FAT1: variants seen among roughly 807,000 people sequenced by gnomAD.
FAT1 encodes the protein FAT atypical cadherin 1, also known as protocadherin Fat 1.
In FAT1, 171 loss-of-function variants were observed where a neutral mutation model predicts 329.8. That is an observed-to-expected ratio of 0.52 (90% CI 0.46 to 0.59). FAT1 has a LOEUF of 0.59. Among genes scored for constraint, FAT1 ranks in the 20% least tolerant of loss-of-function variants. FAT1 has a pLI of 0.00. For missense variants in FAT1, 5,672 were observed against 5,774.4 expected (o/e 0.98, Z 0.57); for synonymous variants, 2,233 against 2,228.6 (o/e 1.00, Z -0.06).
rs375701023 is a variant in FAT1 at position 186,613,208 on chromosome 4, C to T, written c.9364G>A (p.Ala3122Thr). ...TAAGGATCGGCAGAGAATTCGGGGG[C>T]GTTATCGTTCACATCTTCTAGCGTG... ...VLTLEDVNDN[A>T]PEFSADPYAI... The change falls in exon 13 of 27, where the codon GCC (alanine) becomes ACC (threonine). Residue 3122 changes from alanine to threonine, a missense_variant. By Grantham distance (58) the Ala-to-Thr change is moderately conservative. This residue lies in a region of FAT1 where 3,966 missense variants were observed against 3,915.2 expected (regional missense o/e 1.01). Coordinates refer to ENST00000441802, the MANE Select transcript of FAT1 (RefSeq NM_005245.4). 6.4e-5 allele frequency: 104 copies of T among 1,613,678 alleles called. No homozygotes were observed. Among genetic ancestry groups the T allele is most frequent in the Non-Finnish European group, 7.8e-5 (92 of 1,179,766 alleles).
At chr4:186,661,620 T>A (rs566366595) in intron 3 of FAT1, among the ~76,000 whole-genome samples, 11 of 152,230 alleles carry the variant, frequency 7.2e-5, no homozygotes, top group Non-Finnish European at 1.5e-4. Flanking sequence ...ACTTTGCCCC[T>A]GTGTATCTCT....
chr4:186,616,951 A>G (rs1396374767), intron 11 of FAT1, 54 bp downstream of exon 11: 5 of 1,499,322 alleles, frequency 3.3e-6, no homozygotes, highest in Non-Finnish European at 4.6e-6. Flanking sequence ...TCCCATTGAA[A>G]GAATTAAGAA....
At position 186,708,250 on chromosome 4, in the gene FAT1, G is replaced by A. The variant is rs373450419; in HGVS notation, c.1578C>T (p.Asp526=). 6.2e-7 allele frequency: 1 copy of A among 1,613,882 alleles called. No homozygotes were observed. Among genetic ancestry groups the A allele is most frequent in the African/African-American group, 1.3e-5 (1 of 74,924 alleles). The part of the protein sequence containing the change: ...TGAVSTSENL[D]YELMPRVYTL... ...TATAAACCCGAGGCATCAGTTCGTA[G>A]TCCAGGTTTTCTGACGTACTCACGG... is the stretch of plus-strand genomic sequence containing the variant. Residue 526 remains aspartate, a synonymous_variant, in exon 2 of 27, where the codon GAC becomes GAT. Coordinates refer to ENST00000441802, the MANE Select transcript of FAT1 (RefSeq NM_005245.4).
chr4:186,613,366 CACTT>C (rs1289937977), intron 12 of FAT1, 24 bp from the exon 13 acceptor site: 1 of 1,570,866 alleles, frequency 6.4e-7, no homozygotes, highest in Non-Finnish European at 8.8e-7. Context: ...CAAATGGACT[CACTT>C]GTAATTTAAG....
In FAT1 at chr4:186,618,676, G is replaced by C. The variant is rs2126497826; in HGVS notation, c.7910C>G (p.Ala2637Gly). Residue 2637 changes from alanine (A) to glycine (G), a missense_variant, in exon 10 of 27, where the codon GCA (alanine) becomes GGA (glycine). By Grantham distance (60) the Ala-to-Gly change is moderately conservative. This residue lies in a region of FAT1 where 3,966 missense variants were observed against 3,915.2 expected (regional missense o/e 1.01). Coordinates refer to ENST00000441802, the MANE Select transcript of FAT1 (RefSeq NM_005245.4). ...ATTCTCTTTTACACTTTCAGAGTCT[G>C]CTTCAATGGCATAGGTGATGTCGGC... Reference protein sequence around the residue: ...SNADITYAIEADSESVKENLE... With the variant: ...SNADITYAIEGDSESVKENLE... 1 of 1,614,006 alleles carries C rather than the reference G, an allele frequency of 6.2e-7. No individual in the cohort carries two copies. The highest frequency in any genetic ancestry group is 1.3e-5 in the African/African-American group (1 of 75,054).
chr4:186,612,335 A>G (rs1187707303), intron 13 of FAT1, among the ~76,000 whole-genome samples: 1 of 152,178 alleles, frequency 6.6e-6, no homozygotes, highest in African/African-American at 2.4e-5. Context: ...ACATCTGTTT[A>G]TCATTGAGCT....
chr4:186,618,708 G>A lies in FAT1; in HGVS notation c.7878C>T (p.Gly2626=), dbSNP rs775419261. The A allele has an allele frequency of 1.9e-6, 3 of 1,613,904 alleles. No homozygotes were observed. Among genetic ancestry groups the A allele is most frequent in the Middle Eastern group, 1.6e-4 (1 of 6,084 alleles). The change falls in exon 10 of 27, where the codon GGC becomes GGT. Residue 2626 remains glycine, a synonymous_variant. Coordinates refer to ENST00000441802, the MANE Select transcript of FAT1 (RefSeq NM_005245.4). The part of the protein sequence containing the change: ...VKVLASDADE[G]SNADITYAIE... The stretch of plus-strand genomic sequence containing the variant: ...TGGCATAGGTGATGTCGGCATTGGA[G>A]CCCTCATCGGCATCACTTGCAAGAA...
chr4:186,589,792 G>A (rs922276867), intron 26 of FAT1, among the ~76,000 whole-genome samples: 6 of 152,116 alleles, frequency 3.9e-5, no homozygotes. Context: ...TCAGCTTCCC[G>A]AAGTGCTGGG....
Position 186,589,124 on chromosome 4 carries a change from AG to A in FAT1, c.13234del (p.Leu4412CysfsTer75). ...GATGGCGTTTGGATCTGCTGAGTACAGGGGTGTCTGCTCATCAATCACCTCA... is the reference window on the plus strand; with the variant it reads ...GATGGCGTTTGGATCTGCTGAGTACAGGGTGTCTGCTCATCAATCACCTCA... ...NYEVIDEQTP[L>X]YSADPNAIDT... is the part of the protein sequence containing the mutation. On this transcript the variant is annotated frameshift_variant, in exon 27 of 27. Transcript: ENST00000441802. LOFTEE classifies it high-confidence loss of function. The A allele has an allele frequency of 6.2e-7, 1 of 1,613,886 alleles. No homozygotes were observed. The highest frequency in any genetic ancestry group is 8.5e-7 in the Non-Finnish European group (1 of 1,179,864).
intron 2 of FAT1, among the ~76,000 whole-genome samples, chr4:186,679,288 G>A (rs1257222400): frequency 6.6e-6 from 1 of 151,936 alleles, no homozygotes; most frequent in Non-Finnish European, 1.5e-5. Context: ...GTGGTGGCGG[G>A]AGCCTGTAGT....
At chr4:186,645,569 G>C (rs922730799) in intron 3 of FAT1, among the ~76,000 whole-genome samples, 12 of 151,014 alleles carry the variant, frequency 7.9e-5, no homozygotes, top group African/African-American at 2.9e-4. Flanking sequence ...ATTGAAGTTG[G>C]GGGTTCAATA....
intron 26 of FAT1, among the ~76,000 whole-genome samples, chr4:186,594,357 G>A (rs1280095): frequency 0.015 from 2,223 of 152,012 alleles, 45 homozygotes; most frequent in African/African-American, 0.049. Flanking sequence ...CACTGCGCCC[G>A]GCCACCTGGG....
chr4:186,654,134 A>G (rs1166448856), intron 3 of FAT1, among the ~76,000 whole-genome samples: 3 of 152,198 alleles, frequency 2.0e-5, no homozygotes, highest in Non-Finnish European at 1.5e-5. Flanking sequence ...GGAAATTCAC[A>G]TTGCCTGACC....
rs1211121306 is a variant in FAT1 at position 186,611,540 on chromosome 4, A to G, written c.9699T>C (p.Arg3233=). 2 of 1,613,872 alleles carry G rather than the reference A, an allele frequency of 1.2e-6. No individual in the cohort carries two copies. The highest frequency in any genetic ancestry group is 1.7e-6 in the Non-Finnish European group (2 of 1,179,884). Residue 3233 remains arginine (R), a synonymous_variant, in exon 14 of 27, where the codon CGT becomes CGC. Transcript: ENST00000441802. ...INDNPPVFEY[R]EYGATVSEDI... ...CCTCAGACACGGTGGCACCATATTC[A>G]CGGTACTCAAACACAGGGGGGTTGT...
intron 1 of FAT1, among the ~76,000 whole-genome samples, chr4:186,718,483 A>G (rs1273072448): frequency 6.6e-6 from 1 of 152,142 alleles, no homozygotes; most frequent in Non-Finnish European, 1.5e-5. Context: ...CCTGGCCAAC[A>G]TGGTGAAACC....
Position 186,615,470 on chromosome 4 carries a change from G to A in FAT1, c.9076-1126C>T, listed in dbSNP as rs561087237. ...ATTCCTCTCTACCCAGCCTTCTCCT[G>A]GCCCAGCACATTCCTCCTCCCTGTC... is the stretch of plus-strand genomic sequence containing the variant. On this transcript the variant is annotated intron_variant, in intron 11 of 26. Coordinates refer to ENST00000441802, the MANE Select transcript of FAT1 (RefSeq NM_005245.4). Among the ~76,000 whole-genome samples the A allele has an allele frequency of 6.6e-5, 10 of 152,078 alleles. No homozygotes were observed. In the South Asian group the frequency reaches 2.1e-3, roughly 32 times the overall value.
intron 2 of FAT1, among the ~76,000 whole-genome samples, chr4:186,697,668 C>G (rs1744103273): frequency 6.6e-6 from 1 of 152,158 alleles, no homozygotes; most frequent in South Asian, 2.1e-4. Context: ...GGTTTTATTT[C>G]TCTATTACAT....
At chr4:186,659,776 C>T (rs913265418) in intron 3 of FAT1, among the ~76,000 whole-genome samples, 3 of 150,170 alleles carry the variant, frequency 2.0e-5, no homozygotes, top group Admixed American at 6.6e-5. Context: ...TGCTCCTGCA[C>T]TTTACACACA....
chr4:186,602,991 C>G lies in FAT1; in HGVS notation c.11394G>C (p.Pro3798=), dbSNP rs183715661. The change falls in exon 20 of 27, where the codon CCG becomes CCC. Residue 3798 remains proline, a synonymous_variant. Coordinates refer to ENST00000441802, the MANE Select transcript of FAT1 (RefSeq NM_005245.4). Reference sequence around the variant, plus strand: ...ACACACATTCGGATCCCTCAGGGCACGGATCATCTTCACAGCCATGGTGGA... The same window carrying G: ...ACACACATTCGGATCCCTCAGGGCAGGGATCATCTTCACAGCCATGGTGGA... ...PPVHHGCEDD[P]CPEGSECVSD... The G allele has an allele frequency of 6.2e-7, 1 of 1,613,912 alleles. No individual in the cohort carries two copies. Among genetic ancestry groups the G allele is most frequent in the Non-Finnish European group, 8.5e-7 (1 of 1,179,828 alleles).
Sources: allele counts gnomAD v4.1 joint callset (sites outside exome capture counted in the v4.1 genomes callset), GRCh38; gene constraint gnomAD v4.1.1; regional missense constraint gnomAD v4.1.1; transcripts MANE v1.5; gene names NCBI Gene and HGNC (gene_info 2026-07-23, HGNC 2026-07-21).